The following AREG variants were observed in gnomAD, a reference collection of about 807,000 sequenced individuals.
The protein encoded by AREG is amphiregulin B.
In AREG, 16 loss-of-function variants were observed where a neutral mutation model predicts 28.0. The ratio of observed to expected loss-of-function variants is 0.57; its 90% confidence interval spans 0.39 to 0.87. The LOEUF (loss-of-function observed/expected upper bound fraction) is 0.87, where lower values mean the gene tolerates loss of function less well. AREG is among the 40% of genes least tolerant of loss of function. The pLI is 0.00. For synonymous variants in AREG, 113 were observed against 113.5 expected, an observed-to-expected ratio of 1.00 and a Z score of 0.02; for missense variants, 287 against 309.1, an observed-to-expected ratio of 0.93 and a Z score of 0.53.
In AREG at chr4:74,454,757, A is replaced by G; in HGVS notation, c.*19-2A>G. The G allele has an allele frequency of 1.5e-6, 1 of 684,492 alleles. No homozygotes were observed. Among genetic ancestry groups the G allele is most frequent in the Non-Finnish European group, 2.7e-6 (1 of 376,770 alleles). 42.4% of individuals were successfully genotyped at this position (684,492 alleles called of 1,614,324 possible). ...ATTTTATTTTATTTTATTTTCTCACAGGATATCACATTGGAGTCACTGCCA... is the reference window on the plus strand; with the variant it reads ...ATTTTATTTTATTTTATTTTCTCACGGGATATCACATTGGAGTCACTGCCA... On this transcript the variant is annotated splice_acceptor_variant, in intron 5 of 5. Transcript: ENST00000395748. LOFTEE classifies it low-confidence loss of function (3UTR_SPLICE).
chr4:74,452,536 C>T lies in AREG; in HGVS notation c.666-8C>T, dbSNP rs1014444987. The T allele has an allele frequency of 1.1e-4, 175 of 1,613,336 alleles. 1 individual carries two copies. In the East Asian group the frequency reaches 3.3e-3, roughly 30 times the overall value. ...CTTGATAACATTAGAATGCCTTGTT[C>T]TCTGAAGGCTTAGAAGACAATACGT... On this transcript the variant is annotated splice_region_variant and splice_polypyrimidine_tract_variant and intron_variant, in intron 4 of 5. Coordinates refer to ENST00000395748, the MANE Select transcript of AREG (RefSeq NM_001657.4).
At chr4:74,454,130 GTAAT>G (rs1422907254) in intron 5 of AREG, among the ~76,000 whole-genome samples, 4 of 151,990 alleles carry the variant, frequency 2.6e-5, no homozygotes, top group African/African-American at 9.7e-5. Flanking sequence ...CATAAAATGG[GTAAT>G]TATTCATACC....
chr4:74,448,746 G>T (rs1319923242), intron 2 of AREG: 1 of 306,480 alleles, frequency 3.3e-6, no homozygotes, highest in East Asian at 5.2e-5. Flanking sequence ...TTGTAATCTG[G>T]GTGTTGGAGC....
intron 2 of AREG, among the ~76,000 whole-genome samples, chr4:74,447,070 G>A (rs1477444579): frequency 1.3e-5 from 2 of 152,128 alleles, no homozygotes; most frequent in Non-Finnish European, 2.9e-5. Flanking sequence ...GCCGAAAAAG[G>A]TTTTGCTCTA....
chr4:74,454,577 G>A (rs1578846359), intron 5 of AREG, among the ~76,000 whole-genome samples, 182 bp from the exon 6 acceptor site: 1 of 152,292 alleles, frequency 6.6e-6, no homozygotes, highest in East Asian at 1.9e-4. Flanking sequence ...AGGAACTCAA[G>A]CCGAAGTAAG....
At chr4:74,449,863 A>G (rs575520952) in intron 3 of AREG, among the ~76,000 whole-genome samples, 2 of 149,562 alleles carry the variant, frequency 1.3e-5, no homozygotes, top group Admixed American at 1.3e-4. Context: ...TAGTTTCCTG[A>G]CCCCTGGTAT....
rs1353328737 is a variant in AREG, at chr4:74,454,889, A to G, written c.*149A>G. 7.2e-6 allele frequency: 5 copies of G among 698,330 alleles called. No homozygotes were observed. In the East Asian group the frequency reaches 1.3e-4, roughly 19 times the overall value. The allele number at this position is 698,330 out of a possible 1,614,324, so 43.3% of individuals were successfully genotyped here. On this transcript the variant is annotated 3_prime_UTR_variant, in exon 6 of 6. Transcript: ENST00000395748. ...ACTTTCAATTGTCACTTTTTATGCT[A>G]TTTCTGTATATAAAGGTGCACGAAG...
chr4:74,448,713 A>G (rs1206288609), intron 2 of AREG: 2 of 231,240 alleles, frequency 8.6e-6, no homozygotes, highest in African/African-American at 2.3e-5. Context: ...CTCCATGGAA[A>G]TTATCAATTT....
chr4:74,446,800 C>G lies in AREG; in HGVS notation c.310+18C>G, dbSNP rs1161034875. 10 of 1,613,780 alleles carry G rather than the reference C, an allele frequency of 6.2e-6. No homozygotes were observed. The highest frequency in any genetic ancestry group is 1.7e-5 in the Admixed American group (1 of 59,988). On this transcript the variant is annotated intron_variant, in intron 2 of 5. Coordinates refer to ENST00000395748, the MANE Select transcript of AREG (RefSeq NM_001657.4). ...AGTCAGAGGTGAGTAGGGGATAAAGCAAAAATATGGCCTGTGAGATGTGGG... is the reference window on the plus strand; with the variant it reads ...AGTCAGAGGTGAGTAGGGGATAAAGGAAAAATATGGCCTGTGAGATGTGGG...
chr4:74,449,474 A>C (rs1719345763), intron 3 of AREG, among the ~76,000 whole-genome samples: 1 of 152,232 alleles, frequency 6.6e-6, no homozygotes, highest in African/African-American at 2.4e-5. Flanking sequence ...TGGTGGGTGC[A>C]GTGGTTCACA....
Position 74,446,528 on chromosome 4 carries a change from C to A in AREG, c.62-6C>A. ...TTCTTTTCTTCCTTTATTCCCTCCC[C>A]TGCAGGCCATTATGCTGCTGGATTG... On this transcript the variant is annotated splice_polypyrimidine_tract_variant and splice_region_variant and intron_variant, in intron 1 of 5. Coordinates refer to ENST00000395748, the MANE Select transcript of AREG (RefSeq NM_001657.4). The A allele has an allele frequency of 6.2e-7, 1 of 1,613,980 alleles. No homozygotes were observed.
chr4:74,454,714 A>G (rs1719434981), intron 5 of AREG, 45 bp from the exon 6 acceptor site: 2 of 654,190 alleles, frequency 3.1e-6, no homozygotes, highest in Middle Eastern at 2.8e-4. Context: ...TATCTGTAAC[A>G]TTTTGTTTTA....
At chr4:74,450,645 G>T in intron 4 of AREG, 113 bp downstream of exon 4, 1 of 1,401,290 alleles carries the variant, frequency 7.1e-7, no homozygotes, top group Non-Finnish European at 9.6e-7. Context: ...ATTGTCACTT[G>T]ATCTTTGGTT....
At position 74,453,148 on chromosome 4, in the gene AREG, T is replaced by C. The variant is rs1461963192; in HGVS notation, c.*18+493T>C. Among the ~76,000 whole-genome samples, 4 of 152,174 alleles carry C rather than the reference T, an allele frequency of 2.6e-5. No individual in the cohort carries two copies. The East Asian group carries it at 7.7e-4, about 29-fold the overall frequency. ...GGGTTATACTGAGAAATGGAAGAGA[T>C]AATTTTAGAAACTTGTGAAAAATGG... On this transcript the variant is annotated intron_variant, in intron 5 of 5. Transcript: ENST00000395748.
intron 3 of AREG, among the ~76,000 whole-genome samples, 159 bp from the exon 4 acceptor site, chr4:74,450,217 ATCCT>A (rs1719359849): frequency 2.0e-5 from 3 of 152,140 alleles, no homozygotes; most frequent in Non-Finnish European, 4.4e-5. Context: ...ATACTAATAG[ATCCT>A]TAGTTAGAAT....
At chr4:74,446,836 CAAAGCTGCTTCAGAAGT>C in intron 2 of AREG, 54 bp downstream of exon 2, 1 of 1,613,550 alleles carries the variant, frequency 6.2e-7, no homozygotes, top group Non-Finnish European at 8.5e-7. Flanking sequence ...TTTATATGAG[CAAAGCTGCTTCAGAAGT>C]AAAGCTGCTC....
In AREG at chr4:74,445,202, C is replaced by T. The variant is rs905166493; in HGVS notation, c.-144C>T. ...GGACAGCCCGAGGCGCCGCGCCCGC[C>T]GCCCCGAGCTCCCCAAGCCTTCGAG... On this transcript the variant is annotated 5_prime_UTR_variant, in exon 1 of 6. Coordinates refer to ENST00000395748, the MANE Select transcript of AREG (RefSeq NM_001657.4). 63 of 1,487,258 alleles carry T rather than the reference C, an allele frequency of 4.2e-5. No homozygotes were observed. Among genetic ancestry groups the T allele is most frequent in the Non-Finnish European group, 5.1e-5 (57 of 1,112,868 alleles). The allele number at this position is 1,487,258 out of a possible 1,614,324, so 92.1% of individuals were successfully genotyped here.
chr4:74,448,814 T>C (rs1233742668), intron 2 of AREG: 1 of 518,238 alleles, frequency 1.9e-6, no homozygotes, highest in Non-Finnish European at 3.3e-6. Flanking sequence ...CTGCAAGTAG[T>C]ACTCACTAAT....
At chr4:74,451,797 G>C (rs1028025201) in intron 4 of AREG, among the ~76,000 whole-genome samples, 4 of 152,070 alleles carry the variant, frequency 2.6e-5, no homozygotes, top group Non-Finnish European at 4.4e-5. Flanking sequence ...AGAATGGATA[G>C]ATTTTGTTAA....
Sources: gnomAD v4.1 joint callset for allele counts (sites outside exome capture counted in the v4.1 genomes callset) on GRCh38, gnomAD v4.1.1 for gene constraint, MANE v1.5 for transcripts, NCBI Gene and HGNC (gene_info 2026-07-23, HGNC 2026-07-21) for gene names.